ABCB8: variants seen among roughly 807,000 people sequenced by gnomAD.
ABCB8 encodes the protein mitochondrial potassium channel ATP-binding subunit.
ABCB8 carries 52 observed loss-of-function variants against 73.0 expected under a neutral mutation model. That is an observed-to-expected ratio of 0.71 (90% confidence interval 0.57 to 0.90). The LOEUF (loss-of-function observed/expected upper bound fraction) is 0.90, where lower values mean the gene tolerates loss of function less well. Ranked by LOEUF, ABCB8 falls within the 40% of genes least tolerant of loss-of-function variation. ABCB8 has a pLI of 0.00. For synonymous variants in ABCB8, 428 were observed against 423.5 expected (o/e 1.01, Z -0.13); for missense variants, 909 against 974.6 (o/e 0.93, Z 0.90).
chr7:151,037,543 T>C lies in ABCB8; in HGVS notation c.1217+894T>C. The C allele has an allele frequency of 5.2e-6, 3 of 573,444 alleles. No homozygotes were observed. In the South Asian group the frequency reaches 6.0e-5, roughly 12 times the overall value. The allele number at this position is 573,444 out of a possible 1,614,324, so 35.5% of individuals were successfully genotyped here. On this transcript the variant is annotated intron_variant, in intron 9 of 15. Transcript: ENST00000358849. ...CTAAACACAAGCAGTTCTACATAAATATGTTATGGTAAATAATGAGATAGT... is the reference window on the plus strand; with the variant it reads ...CTAAACACAAGCAGTTCTACATAAACATGTTATGGTAAATAATGAGATAGT...
At position 151,041,296 on chromosome 7, in the gene ABCB8, T is replaced by A. The variant is rs1796459164; in HGVS notation, c.1617+64T>A. On this transcript the variant is annotated intron_variant, in intron 13 of 15. Coordinates refer to ENST00000358849, the MANE Select transcript of ABCB8 (RefSeq NM_007188.5). ...CGTCCTCCCCTGGGCCCTGCCCCCT[T>A]AGTCCTCAGGTGCCTTTTCTTTCTT... 19 of 1,518,724 alleles carry A rather than the reference T, an allele frequency of 1.3e-5. No individual in the cohort carries two copies. In the South Asian group the frequency reaches 2.3e-4, roughly 18 times the overall value. The allele number at this position is 1,518,724 out of a possible 1,614,324, so 94.1% of individuals were successfully genotyped here. A position where few individuals can be genotyped will look rare whatever the true frequency, so the allele number is the denominator to read the frequency against.
At chr7:151,034,478 C>T (rs1297693348) in intron 3 of ABCB8, 27 bp from the exon 4 acceptor site, 1 of 1,613,668 alleles carries the variant, frequency 6.2e-7, no homozygotes, top group East Asian at 2.2e-5. Flanking sequence ...CCCGAGGCAT[C>T]CCTGAGTGCA....
intron 9 of ABCB8, chr7:151,039,933 C>G (rs575640118): frequency 2.6e-4 from 78 of 297,292 alleles, no homozygotes; most frequent in African/African-American, 1.5e-3. Flanking sequence ...CATGTGTGCA[C>G]AGGCCTCACC....
chr7:151,043,078 C>T (rs950035535), intron 14 of ABCB8, among the ~76,000 whole-genome samples: 9 of 152,240 alleles, frequency 5.9e-5, no homozygotes, highest in Non-Finnish European at 8.8e-5. Context: ...CTGTGGGCTT[C>T]GAATCCCACC....
chr7:151,041,051 C>T (rs1796447268), intron 12 of ABCB8, 48 bp from the exon 13 acceptor site: 1 of 1,613,056 alleles, frequency 6.2e-7, no homozygotes, highest in African/African-American at 1.3e-5. Flanking sequence ...TTTCCTGGGA[C>T]AATCCCTAGA....
chr7:151,029,938 G>A (rs905646966), intron 1 of ABCB8, among the ~76,000 whole-genome samples: 1 of 152,228 alleles, frequency 6.6e-6, no homozygotes, highest in Non-Finnish European at 1.5e-5. Flanking sequence ...GATCGAGCTG[G>A]AGCTGGAAGT....
At chr7:151,033,434 A>T in intron 1 of ABCB8, 171 bp from the exon 2 acceptor site, 2 of 1,401,412 alleles carry the variant, frequency 1.4e-6, no homozygotes, top group Non-Finnish European at 1.9e-6. Flanking sequence ...GCCCATGGAC[A>T]TGTCTTAGAA....
intron 14 of ABCB8, among the ~76,000 whole-genome samples, chr7:151,042,340 A>C (rs1272549212): frequency 4.6e-5 from 7 of 152,198 alleles, no homozygotes. Context: ...CTGCAGAGAC[A>C]GGACGGGCTC....
chr7:151,040,654 C>G lies in ABCB8; in HGVS notation c.1388+20C>G. 6.2e-7 allele frequency: 1 copy of G among 1,607,012 alleles called. No individual in the cohort carries two copies. The stretch of plus-strand genomic sequence containing the variant: ...CTTCAGGTCAGCACGGGTGAGCAGG[C>G]GTGGGGATGGGTCCCTGGGCCGGGG... On this transcript the variant is annotated intron_variant, in intron 11 of 15. Transcript: ENST00000358849.
At position 151,033,657 on chromosome 7, in the gene ABCB8, C is replaced by T. The variant is rs200883918; in HGVS notation, c.148C>T (p.Arg50Trp). ...CCTCCTCCGGGCCGTGGCCCACCTG[C>T]GGTCCCAGCTCTGGGCCCACCTCCC... ...SSLLRAVAHL[R>W]SQLWAHLPRA... Residue 50 changes from arginine (R) to tryptophan (W), a missense_variant, in exon 2 of 16, where the codon CGG becomes TGG. Arg to Trp is a moderately radical substitution (Grantham distance 101). Transcript: ENST00000358849. 258 of 1,605,392 alleles carry T rather than the reference C, an allele frequency of 1.6e-4. 1 individual carries two copies. In the East Asian group the frequency reaches 4.3e-3, roughly 27 times the overall value.
chr7:151,044,694 T>C (rs750307958), intron 15 of ABCB8, among the ~76,000 whole-genome samples: 3 of 152,004 alleles, frequency 2.0e-5, no homozygotes, highest in Non-Finnish European at 4.4e-5. Context: ...CAGTGAACAA[T>C]GATTGTGCCA....
chr7:151,035,988 G>T, intron 7 of ABCB8, 21 bp downstream of exon 7: 1 of 1,613,514 alleles, frequency 6.2e-7, no homozygotes, highest in Non-Finnish European at 8.5e-7. Context: ...GGAGGGCGGA[G>T]CACAAAGCAG....
chr7:151,036,559 C>T lies in ABCB8; in HGVS notation c.1127C>T (p.Thr376Ile), dbSNP rs1272421281. 1 of 1,614,094 alleles carries T rather than the reference C, an allele frequency of 6.2e-7. No individual in the cohort carries two copies. Among genetic ancestry groups the T allele is most frequent in the East Asian group, 2.2e-5 (1 of 44,890 alleles). Reference sequence around the variant, plus strand: ...TCTCCTGCAGGCATGGTCTTGGGTACCCTATTTATTGGGGGCTCCCTTGTG... The same window carrying T: ...TCTCCTGCAGGCATGGTCTTGGGTATCCTATTTATTGGGGGCTCCCTTGTG... ...NIAFNCMVLG[T>I]LFIGGSLVAG... The change falls in exon 9 of 16, where the codon ACC becomes ATC. Residue 376 changes from threonine to isoleucine, a missense_variant. By Grantham distance (89) the Thr-to-Ile change is moderately conservative. Coordinates refer to ENST00000358849, the MANE Select transcript of ABCB8 (RefSeq NM_007188.5).
At chr7:151,032,640 G>C (rs1381804255) in intron 1 of ABCB8, among the ~76,000 whole-genome samples, 6 of 151,778 alleles carry the variant, frequency 4.0e-5, no homozygotes, top group Non-Finnish European at 8.8e-5. Flanking sequence ...GTTGCAGTGA[G>C]CCGAGATTGT....
intron 9 of ABCB8, chr7:151,038,665 AGACTCT>A (rs919549341): frequency 6.6e-6 from 1 of 150,898 alleles, no homozygotes; most frequent in African/African-American, 2.4e-5. Flanking sequence ...TTAGGGCCTG[AGACTCT>A]GACTTTACCT....
chr7:151,043,509 G>A (rs1214714075), intron 14 of ABCB8, among the ~76,000 whole-genome samples: 4 of 142,094 alleles, frequency 2.8e-5, no homozygotes. Flanking sequence ...TGCACAGTGT[G>A]GGGTGGAGGG....
rs756686748 is a variant in ABCB8 at position 151,028,649 on chromosome 7, C to T, written c.95+39C>T. On this transcript the variant is annotated intron_variant, in intron 1 of 15. Coordinates refer to ENST00000358849, the MANE Select transcript of ABCB8 (RefSeq NM_007188.5). ...AACCTACTCAGAGCGGGCCATTGAC[C>T]GCCCGGCAGGGCAGTGCCGGCCCGC... is the stretch of plus-strand genomic sequence containing the variant. The T allele has an allele frequency of 7.5e-6, 12 of 1,593,538 alleles. No individual in the cohort carries two copies. The South Asian group carries it at 9.0e-5, about 12-fold the overall frequency.
intron 9 of ABCB8, chr7:151,037,542 A>C (rs919884856): frequency 2.8e-5 from 16 of 575,276 alleles, no homozygotes; most frequent in Non-Finnish European, 4.4e-5. Context: ...TTCTACATAA[A>C]TATGTTATGG....
At chr7:151,034,178 C>A in intron 2 of ABCB8, 95 bp from the exon 3 acceptor site, 1 of 1,395,448 alleles carries the variant, frequency 7.2e-7, no homozygotes, top group Non-Finnish European at 9.8e-7. Flanking sequence ...GCGCAGTGCT[C>A]AGTAGTGGGA....
Sources: allele counts gnomAD v4.1 joint callset (sites outside exome capture counted in the v4.1 genomes callset), GRCh38; gene constraint gnomAD v4.1.1; transcripts MANE v1.5; gene names NCBI Gene and HGNC (gene_info 2026-07-23, HGNC 2026-07-21).